LYPD4: variants seen among roughly 807,000 people sequenced by gnomAD.
LYPD4 encodes the protein LY6/PLAUR domain containing 4, also known as ly6/PLAUR domain-containing protein 4.
LYPD4 carries 20 observed loss-of-function variants against 18.2 expected under a neutral mutation model. The ratio of observed to expected loss-of-function variants is 1.10; its 90% CI spans 0.77 to 1.59. The LOEUF (loss-of-function observed/expected upper bound fraction) is 1.59. Ranked by LOEUF, LYPD4 falls within the 40% of genes most tolerant of loss-of-function variation. LYPD4 has a pLI of 0.00. For synonymous variants in LYPD4, 111 were observed against 118.3 expected (o/e 0.94, Z 0.40); for missense variants, 278 against 300.3 (o/e 0.93, Z 0.55).
At chr19:41,838,547 C>T (rs1367783118) in intron 3 of LYPD4, among the ~76,000 whole-genome samples, 4 of 152,106 alleles carry the variant, frequency 2.6e-5, no homozygotes, top group Admixed American at 6.6e-5. Flanking sequence ...ACCCAGCCCA[C>T]AACACAACCA....
chr19:41,839,219 G>T lies in LYPD4; in HGVS notation c.67C>A (p.Arg23=). ...CLLGAISTLP[R]AGALLCYEAT... is the part of the protein sequence containing the mutation. ...TAGCATCCAGCCCCACAGGACATAC[G>T]AGGCAGAGTGGAGATGGCCCCTAGA... is the stretch of plus-strand genomic sequence containing the variant. The change falls in exon 2 of 5, where the codon CGG becomes AGG. Residue 23 remains arginine, a splice_region_variant and synonymous_variant. Coordinates refer to ENST00000609812, the MANE Select transcript of LYPD4 (RefSeq NM_173506.7). The T allele has an allele frequency of 6.2e-7, 1 of 1,614,090 alleles. No homozygotes were observed. Among genetic ancestry groups the T allele is most frequent in the South Asian group, 1.1e-5 (1 of 91,072 alleles).
At chr19:41,838,494 G>C (rs551870682) in intron 3 of LYPD4, among the ~76,000 whole-genome samples, 47 of 151,954 alleles carry the variant, frequency 3.1e-4, no homozygotes, top group African/African-American at 9.7e-4. Flanking sequence ...TCTCTCCCTT[G>C]TGCCCTCCTC....
downstream of LYPD4, among the ~76,000 whole-genome samples, chr19:41,836,427 C>A (rs1266879409): frequency 2.7e-5 from 4 of 148,938 alleles, no homozygotes; most frequent in African/African-American, 9.9e-5. Flanking sequence ...GGAGATGCTA[C>A]TTTGAGCAGG....
intron 1 of LYPD4, among the ~76,000 whole-genome samples, chr19:41,843,072 A>C (rs2073690001): frequency 4.9e-5 from 2 of 40,604 alleles, no homozygotes; most frequent in Non-Finnish European, 5.1e-5. Context: ...AAAAAAAAAA[A>C]AAAAACCCCA....
At chr19:41,842,773 A>C (rs2073644686) in intron 1 of LYPD4, among the ~76,000 whole-genome samples, 13 of 58,578 alleles carry the variant, frequency 2.2e-4, no homozygotes, top group Non-Finnish European at 2.8e-4. Context: ...ACAAAAAAAA[A>C]AAAAAAAAAA....
At chr19:41,837,798 C>T in intron 4 of LYPD4, 137 bp downstream of exon 4, 1 of 936,824 alleles carries the variant, frequency 1.1e-6, no homozygotes, top group Non-Finnish European at 1.5e-6. Context: ...TCCCCTTCCT[C>T]CTTGGAATTC....
rs141504334 is a variant in LYPD4 at position 41,838,207 on chromosome 19, G to C, written c.266C>G (p.Pro89Arg). 2.6e-6 allele frequency: 4 copies of C among 1,567,826 alleles called. No individual in the cohort carries two copies. Among genetic ancestry groups the C allele is most frequent in the Non-Finnish European group, 3.5e-6 (4 of 1,156,204 alleles). Residue 89 changes from proline (P) to arginine (R), a missense_variant, in exon 4 of 5, where the codon CCT (proline) becomes CGT (arginine). By Grantham distance (103) the Pro-to-Arg change is moderately radical (BLOSUM62 -2). Transcript: ENST00000609812. ...GGAAACAAGGTAGGAGATTTGCGCA[G>C]GGTAAGACGAAGACGAGCTGCAGCC... is the stretch of plus-strand genomic sequence containing the variant. Reference protein sequence around the residue: ...FKGCSSSSSYPAQISYLVSPP... With the variant: ...FKGCSSSSSYRAQISYLVSPP...
Position 41,844,598 on chromosome 19 carries a change from A to C in LYPD4, c.-1141T>G, listed in dbSNP as rs1037230603. On this transcript the variant is annotated 5_prime_UTR_variant, in exon 1 of 5. Coordinates refer to ENST00000609812, the MANE Select transcript of LYPD4 (RefSeq NM_173506.7). ...TAACAGAAAACGCAGGCCTCCACTC[A>C]GCAAAAACAAGCCACGCGCGAAGTC... 1.3e-5 allele frequency: 2 copies of C among 152,464 alleles called. No homozygotes were observed. Among genetic ancestry groups the C allele is most frequent in the Non-Finnish European group, 2.9e-5 (2 of 68,242 alleles). 9.4% of individuals were successfully genotyped at this position (152,464 alleles called of 1,614,324 possible).
intron 1 of LYPD4, among the ~76,000 whole-genome samples, chr19:41,842,831 T>C (rs1253304824): frequency 1.6e-5 from 2 of 124,010 alleles, no homozygotes; most frequent in Non-Finnish European, 3.3e-5. Context: ...AATGTGTACA[T>C]GGATAGATTG....
At chr19:41,843,271 A>G (rs1282778222) in intron 1 of LYPD4, among the ~76,000 whole-genome samples, 1 of 151,972 alleles carries the variant, frequency 6.6e-6, no homozygotes, top group Non-Finnish European at 1.5e-5. Context: ...TGGAATCTTT[A>G]CCCCTTCATT....
rs869092949 is a variant in LYPD4 at position 41,843,906 on chromosome 19, C to CAA, written c.-451_-450dup. On this transcript the variant is annotated 5_prime_UTR_variant, in exon 1 of 5. Coordinates refer to ENST00000609812, the MANE Select transcript of LYPD4 (RefSeq NM_173506.7). ...AAAAGATTGAAGTGAAATCCTCAAG[C>CAA]AAAAAAAAAAAAAAAAAAAAAAAAA... is the stretch of plus-strand genomic sequence containing the variant. 45 of 37,578 alleles carry CAA rather than the reference C, an allele frequency of 1.2e-3. 5 individuals carry two copies. The highest frequency in any genetic ancestry group is 4.8e-3 in the African/African-American group (27 of 5,656). The allele number at this position is 37,578 out of a possible 1,614,324, so 2.3% of individuals were successfully genotyped here.
rs1386512911 is a variant in LYPD4, at chr19:41,839,281, C to G, written c.5G>C (p.Gly2Ala). The change falls in exon 2 of 5, where the codon GGA becomes GCA. Residue 2 changes from glycine to alanine, a missense_variant. Coordinates refer to ENST00000609812, the MANE Select transcript of LYPD4 (RefSeq NM_173506.7). MGPQHLRLVQLF... is the reference protein window; with the variant it reads MAPQHLRLVQLF... The stretch of plus-strand genomic sequence containing the variant: ...CTGCACAAGTCTCAAATGCTGGGGT[C>G]CCATGGCCCTGTGTCTGGGTCCTGG... 6.2e-7 allele frequency: 1 copy of G among 1,614,088 alleles called. No individual in the cohort carries two copies. The highest frequency in any genetic ancestry group is 1.3e-5 in the African/African-American group (1 of 74,928).
At chr19:41,837,055 T>C, downstream of LYPD4, 1 of 1,583,376 alleles carries the variant, frequency 6.3e-7, no homozygotes, top group East Asian at 2.3e-5. Context: ...TGCTCTCTCA[T>C]GGACCACAGG....
rs1159060011 is a variant in LYPD4 at position 41,843,050 on chromosome 19, AAAAAAAAAAAAAAAAAAAAAAAAAAAACC to A, written c.-121+499_-121+527del. Among the ~76,000 whole-genome samples the A allele has an allele frequency of 5.7e-3, 261 of 46,008 alleles. 10 individuals carry two copies. The East Asian group carries it at 0.089, about 16-fold the overall frequency. 30.2% of individuals were successfully genotyped at this position (46,008 alleles called of 152,430 possible). On this transcript the variant is annotated intron_variant, in intron 1 of 4. Coordinates refer to ENST00000609812, the MANE Select transcript of LYPD4 (RefSeq NM_173506.7). ...CCATCGCTAAAAAAAAAAAAAAAAA[AAAAAAAAAAAAAAAAAAAAAAAAAAAACC>A]CCAACAACAACACTACACACATCCT...
rs782194415 is a variant in LYPD4, at chr19:41,839,300, G to T, written c.-15C>A. On this transcript the variant is annotated 5_prime_UTR_variant, in exon 2 of 5. Transcript: ENST00000609812. The stretch of plus-strand genomic sequence containing the variant: ...TGGGGTCCCATGGCCCTGTGTCTGG[G>T]TCCTGGGTGCTAGAGGTCAGTCTGG... 11 of 1,613,326 alleles carry T rather than the reference G, an allele frequency of 6.8e-6. No homozygotes were observed. Among genetic ancestry groups the T allele is most frequent in the Non-Finnish European group, 8.5e-6 (10 of 1,179,238 alleles).
intron 1 of LYPD4, among the ~76,000 whole-genome samples, chr19:41,842,133 G>A (rs1278441480): frequency 5.3e-5 from 8 of 151,956 alleles, no homozygotes; most frequent in Admixed American, 5.2e-4. Context: ...GCCCCCACCT[G>A]CCAGGCTCAT....
chr19:41,839,272 T>C lies in LYPD4; in HGVS notation c.14A>G (p.His5Arg). Reference protein sequence around the residue: MGPQHLRLVQLFCLL... With the variant: MGPQRLRLVQLFCLL... ...GCAGAACAGCTGCACAAGTCTCAAATGCTGGGGTCCCATGGCCCTGTGTCT... is the reference window on the plus strand; with the variant it reads ...GCAGAACAGCTGCACAAGTCTCAAACGCTGGGGTCCCATGGCCCTGTGTCT... Residue 5 changes from histidine to arginine, a missense_variant, in exon 2 of 5, where the codon CAT (histidine) becomes CGT (arginine). Coordinates refer to ENST00000609812, the MANE Select transcript of LYPD4 (RefSeq NM_173506.7). 1 of 1,614,152 alleles carries C rather than the reference T, an allele frequency of 6.2e-7. No individual in the cohort carries two copies. The highest frequency in any genetic ancestry group is 8.5e-7 in the Non-Finnish European group (1 of 1,180,038).
chr19:41,844,702 C>T (rs1433340886), upstream of LYPD4: 5 of 152,324 alleles, frequency 3.3e-5, 1 homozygote, highest in Admixed American at 1.3e-4. Flanking sequence ...AGGGGCGGGG[C>T]CAGGCGGGCC....
chr19:41,837,009 G>A, downstream of LYPD4: 1 of 1,474,712 alleles, frequency 6.8e-7, no homozygotes, highest in Non-Finnish European at 9.0e-7. Flanking sequence ...CCACCTCCCT[G>A]GACATGCTTG....
Sources: gnomAD v4.1 joint callset for allele counts (sites outside exome capture counted in the v4.1 genomes callset) on GRCh38, gnomAD v4.1.1 for gene constraint, MANE v1.5 for transcripts, NCBI Gene and HGNC (gene_info 2026-07-23, HGNC 2026-07-21) for gene names.